Variants in SOX10 observed in about 807,000 individuals in gnomAD.
SOX10 encodes SRY-box transcription factor 10.
Under a neutral mutation model 35.0 loss-of-function variants are expected in SOX10, and 3 were observed. The ratio of observed to expected loss-of-function variants is 0.09; its 90% CI spans 0.04 to 0.22. The LOEUF (loss-of-function observed/expected upper bound fraction) is 0.22. SOX10 is among the 10% of genes least tolerant of loss of function. SOX10 has a pLI of 1.00. For missense variants in SOX10, 436 were observed against 655.1 expected (o/e 0.67, Z 3.65); for synonymous variants, 285 against 291.0 (o/e 0.98, Z 0.21).
chr22:37,979,663 G>A (rs1932335308), intron 2 of SOX10, among the ~76,000 whole-genome samples: 1 of 152,142 alleles, frequency 6.6e-6, no homozygotes, highest in Non-Finnish European at 1.5e-5. Context: ...CACATGGAGA[G>A]AAGAAGCCCT....
chr22:37,983,521 C>A lies in SOX10; in HGVS notation c.264G>T (p.Val88=), dbSNP rs1387350421. 1.2e-5 allele frequency: 20 copies of A among 1,610,228 alleles called. No individual in the cohort carries two copies. The highest frequency in any genetic ancestry group is 1.7e-5 in the Non-Finnish European group (20 of 1,178,980). Residue 88 remains valine (V), a synonymous_variant, in exon 2 of 4, where the codon GTG becomes GTT. Transcript: ENST00000396884. This position sits in a 1 kb window ranked among gnomAD's most constrained non-coding sequence, Gnocchi z 9.5. ...QVLSGYDWTL[V]PMPVRVNGAS... is the part of the protein sequence containing the mutation. The stretch of plus-strand genomic sequence containing the variant: ...CGCCGTTGACGCGCACGGGCATGGG[C>A]ACCAGCGTCCAGTCGTAGCCGCTGA...
Position 37,973,064 on chromosome 22 carries a change from A to C in SOX10, c.*431T>G, listed in dbSNP as rs1172512013. 5.9e-6 allele frequency: 1 copy of C among 168,250 alleles called. No homozygotes were observed. Among genetic ancestry groups the C allele is most frequent in the African/African-American group, 2.4e-5 (1 of 41,872 alleles). 10.4% of individuals were successfully genotyped at this position (168,250 alleles called of 1,614,324 possible). On this transcript the variant is annotated 3_prime_UTR_variant, in exon 4 of 4. Transcript: ENST00000396884. ...GCCTAGCCCTTAGGCACTGTGGCAT[A>C]GGTGGCATGGGCATGTCAGACCCTC...
Position 37,978,084 on chromosome 22 carries a change from G to A in SOX10, c.480C>T (p.Leu160=). ...GGTGGTCTTTCTTGTGCTGCATACGGAGCCGCTCAGCCTCCTCGATGAAGG... is the reference window on the plus strand; with the variant it reads ...GGTGGTCTTTCTTGTGCTGCATACGAAGCCGCTCAGCCTCCTCGATGAAGG... ...KRPFIEEAER[L]RMQHKKDHPD... The change falls in exon 3 of 4, where the codon CTC becomes CTT. Residue 160 remains leucine, a synonymous_variant. Coordinates refer to ENST00000396884, the MANE Select transcript of SOX10 (RefSeq NM_006941.4). The surrounding 1 kb of genome is among the most constrained non-coding windows in gnomAD (Gnocchi z 5.0). 6.2e-7 allele frequency: 1 copy of A among 1,602,154 alleles called. No individual in the cohort carries two copies. Among genetic ancestry groups the A allele is most frequent in the South Asian group, 1.1e-5 (1 of 90,238 alleles).
rs1052367302 is a variant in SOX10, at chr22:37,978,559, A to G, written c.429-424T>C. On this transcript the variant is annotated intron_variant, in intron 2 of 3. Transcript: ENST00000396884. This position sits in a 1 kb window ranked among gnomAD's most constrained non-coding sequence, Gnocchi z 5.0. Reference sequence around the variant, plus strand: ...CCTGGGACTGAGGGTGGGCAATAGAAGCAGCATGGCTGGGGGAGAACTCAG... The same window carrying G: ...CCTGGGACTGAGGGTGGGCAATAGAGGCAGCATGGCTGGGGGAGAACTCAG... 6.6e-6 allele frequency among the ~76,000 whole-genome samples: 1 copy of G among 152,200 alleles called. No individual in the cohort carries two copies. The highest frequency in any genetic ancestry group is 2.4e-5 in the African/African-American group (1 of 41,458).
chr22:37,973,917 C>A lies in SOX10; in HGVS notation c.979G>T (p.Ala327Ser). ...GAGATCCAGGCGGAGTGTCCACTGG[C>A]CACGGCCAGGGCACTGCCCAGCCCA... The part of the protein sequence containing the change: ...GYGLGSALAV[A>S]SGHSAWISKP... The change falls in exon 4 of 4, where the codon GCC becomes TCC. Residue 327 changes from alanine (A) to serine (S), a missense_variant. Physicochemically the swap from Ala to Ser is moderately conservative, Grantham distance 99. This residue lies in a region of SOX10 where 285 missense variants were observed against 402.9 expected (regional missense o/e 0.71). Coordinates refer to ENST00000396884, the MANE Select transcript of SOX10 (RefSeq NM_006941.4). 2 of 1,610,156 alleles carry A rather than the reference C, an allele frequency of 1.2e-6. No individual in the cohort carries two copies. Among genetic ancestry groups the A allele is most frequent in the Middle Eastern group, 1.7e-4 (1 of 6,026 alleles).
Position 37,983,649 on chromosome 22 carries a change from G to A in SOX10, c.136C>T (p.Pro46Ser), listed in dbSNP as rs1168500667. ...ACCTTGCCCAGCTCGCCTGGCCCCGGGCTGGCTCGCAGGCCCGATCCGCCG... is the reference window on the plus strand; with the variant it reads ...ACCTTGCCCAGCTCGCCTGGCCCCGAGCTGGCTCGCAGGCCCGATCCGCCG... ...GGGGSGLRAS[P>S]GPGELGKVKK... The change falls in exon 2 of 4, where the codon CCG becomes TCG. Residue 46 changes from proline to serine, a missense_variant. Pro to Ser is a moderately conservative substitution (Grantham distance 74). Transcript: ENST00000396884. This position sits in a 1 kb window ranked among gnomAD's most constrained non-coding sequence, Gnocchi z 9.5. 1 of 1,597,024 alleles carries A rather than the reference G, an allele frequency of 6.3e-7. No individual in the cohort carries two copies. The highest frequency in any genetic ancestry group is 8.5e-7 in the Non-Finnish European group (1 of 1,176,524).
chr22:37,982,490 G>C lies in SOX10; in HGVS notation c.428+867C>G, dbSNP rs559564133. 7.2e-5 allele frequency among the ~76,000 whole-genome samples: 11 copies of C among 152,168 alleles called. 1 individual carries two copies. The highest frequency in any genetic ancestry group is 1.0e-4 in the Non-Finnish European group (7 of 68,008). ...GGTGGGATAATTGCTCCCTGCGGGG[G>C]ATGTTTTTCCTAGAGGTGTGGGCTG... On this transcript the variant is annotated intron_variant, in intron 2 of 3. Transcript: ENST00000396884.
At chr22:37,977,117 G>A (rs1312951081) in intron 3 of SOX10, among the ~76,000 whole-genome samples, 5 of 149,250 alleles carry the variant, frequency 3.4e-5, no homozygotes, top group African/African-American at 1.2e-4. Context: ...GCAGTGCACC[G>A]AGATCATGCC....
rs1317423152 is a variant in SOX10 at position 37,980,535 on chromosome 22, T to C, written c.429-2400A>G. On this transcript the variant is annotated intron_variant, in intron 2 of 3. Coordinates refer to ENST00000396884, the MANE Select transcript of SOX10 (RefSeq NM_006941.4). This position sits in a 1 kb window ranked among gnomAD's most constrained non-coding sequence, Gnocchi z 4.1. ...ACTGCCATCCCCGACCCCAGCTCCC[T>C]CCTCCACCAGCTGTGCCGGACAGCT... Among the ~76,000 whole-genome samples the C allele has an allele frequency of 6.6e-6, 1 of 151,702 alleles. No homozygotes were observed. The highest frequency in any genetic ancestry group is 2.4e-5 in the African/African-American group (1 of 41,232).
rs1932116908 is a variant in SOX10, at chr22:37,973,391, C to T, written c.*104G>A. 2 of 790,320 alleles carry T rather than the reference C, an allele frequency of 2.5e-6. No homozygotes were observed. Among genetic ancestry groups the T allele is most frequent in the Non-Finnish European group, 3.9e-6 (2 of 507,538 alleles). 49.0% of individuals were successfully genotyped at this position (790,320 alleles called of 1,614,324 possible). ...CCGACCTGTCAGCCTCTTCAGCCTCCTCAGCCTCCTCCACTGCCACCACCA... is the reference window on the plus strand; with the variant it reads ...CCGACCTGTCAGCCTCTTCAGCCTCTTCAGCCTCCTCCACTGCCACCACCA... On this transcript the variant is annotated 3_prime_UTR_variant, in exon 4 of 4. Coordinates refer to ENST00000396884, the MANE Select transcript of SOX10 (RefSeq NM_006941.4).
chr22:37,972,322 C>T lies in SOX10; in HGVS notation c.*1173G>A, dbSNP rs559557716. 2.9e-5 allele frequency: 30 copies of T among 1,039,558 alleles called. No individual in the cohort carries two copies. The African/African-American group carries it at 4.1e-4, about 14-fold the overall frequency. The allele number at this position is 1,039,558 out of a possible 1,614,324, so 64.4% of individuals were successfully genotyped here. On this transcript the variant is annotated 3_prime_UTR_variant, in exon 4 of 4. Transcript: ENST00000396884. ...GGCTCACCAAGCAGGTAACCGGAACCTTTAATTTTATTATGTGGAATGCTT... is the reference window on the plus strand; with the variant it reads ...GGCTCACCAAGCAGGTAACCGGAACTTTTAATTTTATTATGTGGAATGCTT...
rs1280080079 is a variant in SOX10 at position 37,974,732 on chromosome 22, G to A, written c.698-534C>T. Among the ~76,000 whole-genome samples, 1 of 152,174 alleles carries A rather than the reference G, an allele frequency of 6.6e-6. No homozygotes were observed. Among genetic ancestry groups the A allele is most frequent in the Non-Finnish European group, 1.5e-5 (1 of 68,030 alleles). The stretch of plus-strand genomic sequence containing the variant: ...TCAAATCTTAGGGATGGGTCCTGGG[G>A]AGGCCTGCCTCATTCTGAAAAAACC... On this transcript the variant is annotated intron_variant, in intron 3 of 3. Transcript: ENST00000396884. The surrounding 1 kb of genome is among the most constrained non-coding windows in gnomAD (Gnocchi z 5.4).
In SOX10 at chr22:37,973,966, C is replaced by T. The variant is rs757748507; in HGVS notation, c.930G>A (p.Val310=). The change falls in exon 4 of 4, where the codon GTG becomes GTA. Residue 310 remains valine, a synonymous_variant. Coordinates refer to ENST00000396884, the MANE Select transcript of SOX10 (RefSeq NM_006941.4). ...CATAGCCGGCTGCTGAGTAGCTGCT[C>T]ACATGGCCTGGGTGCCCATTGGGCG... is the stretch of plus-strand genomic sequence containing the variant. ...YLPPNGHPGH[V]SSYSAAGYGL... 5.0e-6 allele frequency: 8 copies of T among 1,611,994 alleles called. No homozygotes were observed. The South Asian group carries it at 8.8e-5, about 18-fold the overall frequency.
chr22:37,977,351 C>T (rs1305307164), intron 3 of SOX10, among the ~76,000 whole-genome samples: 1 of 150,674 alleles, frequency 6.6e-6, no homozygotes, highest in Non-Finnish European at 1.5e-5. Context: ...GACAGAGTCT[C>T]GCTCTGTCGC....
At chr22:37,981,168 T>C (rs1186752136) in intron 2 of SOX10, among the ~76,000 whole-genome samples, 1 of 152,164 alleles carries the variant, frequency 6.6e-6, no homozygotes, top group Non-Finnish European at 1.5e-5. Context: ...CTCTTTTTGG[T>C]TTTAAGACAC....
chr22:37,975,928 A>G (rs755783679), intron 3 of SOX10, among the ~76,000 whole-genome samples: 1 of 151,918 alleles, frequency 6.6e-6, no homozygotes, highest in East Asian at 1.9e-4. Flanking sequence ...CTCTCTCTAT[A>G]TATATACTAT....
Position 37,973,849 on chromosome 22 carries a change from A to G in SOX10, c.1047T>C (p.Gly349=). The change falls in exon 4 of 4, where the codon GGT becomes GGC. Residue 349 remains glycine (G), a synonymous_variant. Coordinates refer to ENST00000396884, the MANE Select transcript of SOX10 (RefSeq NM_006941.4). ...GVALPTVSPP[G]VDAKAQVKTE... ...TCTTCACCTGGGCTTTGGCATCCAC[A>G]CCAGGTGGTGAGACCGTGGGCAGAG... The G allele has an allele frequency of 6.2e-6, 10 of 1,607,862 alleles. No individual in the cohort carries two copies. The highest frequency in any genetic ancestry group is 8.5e-6 in the Non-Finnish European group (10 of 1,176,142).
In SOX10 at chr22:37,974,337, C is replaced by T; in HGVS notation, c.698-139G>A. ...CCTTGTAAGTTTCACATTTTGGCAG[C>T]ATGAGTCGGGTTTTTTTTTGTTTTT... On this transcript the variant is annotated intron_variant, in intron 3 of 3. Transcript: ENST00000396884. The surrounding 1 kb of genome is among the most constrained non-coding windows in gnomAD (Gnocchi z 5.4). 1 of 643,930 alleles carries T rather than the reference C, an allele frequency of 1.6e-6. No homozygotes were observed. The highest frequency in any genetic ancestry group is 2.7e-6 in the Non-Finnish European group (1 of 374,656). 39.9% of individuals were successfully genotyped at this position (643,930 alleles called of 1,614,324 possible).
chr22:37,973,781 T>A lies in SOX10; in HGVS notation c.1115A>T (p.Gln372Leu), dbSNP rs1932133744. 1 of 1,594,734 alleles carries A rather than the reference T, an allele frequency of 6.3e-7. No individual in the cohort carries two copies. The highest frequency in any genetic ancestry group is 1.3e-5 in the African/African-American group (1 of 74,286). Residue 372 changes from glutamine to leucine, a missense_variant, in exon 4 of 4, where the codon CAG becomes CTG. Coordinates refer to ENST00000396884, the MANE Select transcript of SOX10 (RefSeq NM_006941.4). ...GPQGPPHYTDQPSTSQIAYTS... is the reference protein window; with the variant it reads ...GPQGPPHYTDLPSTSQIAYTS... ...GTAGGCGATCTGTGAGGTGGATGGCTGGTCGGTGTAGTGTGGGGGCCCCTG... is the reference window on the plus strand; with the variant it reads ...GTAGGCGATCTGTGAGGTGGATGGCAGGTCGGTGTAGTGTGGGGGCCCCTG...
Sources: allele counts gnomAD v4.1 joint callset (sites outside exome capture counted in the v4.1 genomes callset), GRCh38; gene constraint gnomAD v4.1.1; regional missense constraint gnomAD v4.1.1; non-coding constraint Gnocchi (gnomAD v3.1); transcripts MANE v1.5; gene names NCBI Gene and HGNC (gene_info 2026-07-23, HGNC 2026-07-21).